NCAM2: variants seen among roughly 807,000 people sequenced by gnomAD.
NCAM2 encodes the protein neural cell adhesion molecule 2, also known as N-CAM-2.
In NCAM2, 30 loss-of-function variants were observed where a neutral mutation model predicts 98.1. The observed-to-expected ratio is 0.31, with a 90% CI of 0.23 to 0.41. The LOEUF is 0.41. Among genes scored for constraint, NCAM2 ranks in the 10% least tolerant of loss-of-function variants. The pLI, the probability that NCAM2 is intolerant of heterozygous loss-of-function variation, is 1.00. For missense variants in NCAM2, 867 were observed against 1,005.8 expected, an observed-to-expected ratio of 0.86 and a Z score of 1.87; for synonymous variants, 368 against 342.4, an observed-to-expected ratio of 1.07 and a Z score of -0.83.
intron 1 of NCAM2, among the ~76,000 whole-genome samples, chr21:21,059,420 A>G (rs1370323222): frequency 1.3e-5 from 2 of 152,122 alleles, no homozygotes; most frequent in African/African-American, 2.4e-5. Context: ...TAATTTAAAT[A>G]AAATTAATAT....
At chr21:21,452,180 AC>A (rs1342271333) in intron 12 of NCAM2, among the ~76,000 whole-genome samples, 4 of 150,322 alleles carry the variant, frequency 2.7e-5, no homozygotes, top group Non-Finnish European at 5.9e-5. Context: ...ACACACACAC[AC>A]ACACACACAC....
intron 1 of NCAM2, among the ~76,000 whole-genome samples, chr21:21,034,378 G>T (rs962711767): frequency 2.0e-5 from 3 of 152,214 alleles, no homozygotes; most frequent in Middle Eastern, 3.4e-3. Context: ...AGTTGGAACT[G>T]GCAAGCGGTG....
intron 15 of NCAM2, among the ~76,000 whole-genome samples, chr21:21,486,188 C>A (rs1463379565): frequency 6.6e-6 from 1 of 151,270 alleles, no homozygotes; most frequent in African/African-American, 2.4e-5. Context: ...CCTGTAGTCC[C>A]AGCTACTCGG....
intron 1 of NCAM2, among the ~76,000 whole-genome samples, chr21:21,056,070 G>A (rs942005363): frequency 6.6e-6 from 1 of 151,014 alleles, no homozygotes; most frequent in Non-Finnish European, 1.5e-5. Context: ...TCTGGCTTAA[G>A]CATTTTTTAT....
At chr21:21,406,770 T>G (rs1326316438) in intron 9 of NCAM2, among the ~76,000 whole-genome samples, 1 of 152,226 alleles carries the variant, frequency 6.6e-6, no homozygotes, top group Non-Finnish European at 1.5e-5. Context: ...ATAAGATTGA[T>G]GGACACATAA....
At chr21:21,039,725 C>T (rs183634248) in intron 1 of NCAM2, among the ~76,000 whole-genome samples, 7 of 152,206 alleles carry the variant, frequency 4.6e-5, no homozygotes, top group Admixed American at 3.9e-4. Flanking sequence ...CCAGGAAACT[C>T]ATAACTTTTT....
chr21:21,118,767 A>G (rs2066614293), intron 1 of NCAM2, among the ~76,000 whole-genome samples: 1 of 151,928 alleles, frequency 6.6e-6, no homozygotes, highest in African/African-American at 2.4e-5. Context: ...ATTATTTTAC[A>G]TTATCGGAGT....
chr21:21,126,932 G>GA lies in NCAM2; in HGVS notation c.55+128315dup, dbSNP rs539546804. On this transcript the variant is annotated intron_variant, in intron 1 of 17. Coordinates refer to ENST00000400546, the MANE Select transcript of NCAM2 (RefSeq NM_004540.5). ...GCAAAGTGACGCTTTTACCTTCTAG[G>GA]AGAAAAAGGTAGAAGTTAAAAAAAC... is the stretch of plus-strand genomic sequence containing the variant. Among the ~76,000 whole-genome samples, 291 of 151,946 alleles carry GA rather than the reference G, an allele frequency of 1.9e-3. 1 individual carries two copies. Among genetic ancestry groups the GA allele is most frequent in the African/African-American group, 6.9e-3 (287 of 41,480 alleles).
chr21:21,443,355 C>T (rs932677787), intron 12 of NCAM2, among the ~76,000 whole-genome samples: 2 of 152,112 alleles, frequency 1.3e-5, no homozygotes, highest in Admixed American at 1.3e-4. Context: ...AGCAAACCAA[C>T]ATGGCACATG....
At chr21:21,460,150 T>C (rs1312713540) in intron 12 of NCAM2, among the ~76,000 whole-genome samples, 1 of 152,000 alleles carries the variant, frequency 6.6e-6, no homozygotes, top group African/African-American at 2.4e-5. Flanking sequence ...TTATCATTTT[T>C]ATTTTTGTTT....
intron 11 of NCAM2, 36 bp from the exon 12 acceptor site, chr21:21,432,072 C>A (rs750259728): frequency 6.3e-7 from 1 of 1,592,358 alleles, no homozygotes; most frequent in African/African-American, 1.3e-5. Flanking sequence ...TTCCCATTCC[C>A]TTGGTTATGT....
intron 1 of NCAM2, among the ~76,000 whole-genome samples, chr21:21,235,919 T>C (rs1167031656): frequency 1.3e-5 from 2 of 152,088 alleles, no homozygotes; most frequent in Non-Finnish European, 2.9e-5. Flanking sequence ...TTAGTAGTAA[T>C]ATAGTCATTA....
chr21:21,392,148 G>A (rs1031536669), intron 9 of NCAM2, among the ~76,000 whole-genome samples: 1 of 152,064 alleles, frequency 6.6e-6, no homozygotes, highest in East Asian at 1.9e-4. Flanking sequence ...TCCCCTGTAT[G>A]TGTCCATGTA....
At chr21:21,248,446 A>C (rs1387616553) in intron 1 of NCAM2, among the ~76,000 whole-genome samples, 1 of 152,108 alleles carries the variant, frequency 6.6e-6, no homozygotes, top group Non-Finnish European at 1.5e-5. Context: ...CTTGAAACAC[A>C]GGAAAAAATT....
At chr21:21,292,065 A>G (rs772294530) in intron 4 of NCAM2, 39 bp from the exon 5 acceptor site, 13 of 1,590,270 alleles carry the variant, frequency 8.2e-6, no homozygotes, top group African/African-American at 8.1e-5. Flanking sequence ...TTAGCCTTCA[A>G]TTACTGATAC....
At chr21:21,420,381 G>A (rs1395474159) in intron 11 of NCAM2, among the ~76,000 whole-genome samples, 1 of 151,730 alleles carries the variant, frequency 6.6e-6, no homozygotes. Context: ...GACTGATAAG[G>A]AATCCTAAAA....
intron 15 of NCAM2, among the ~76,000 whole-genome samples, chr21:21,482,960 T>G (rs1477517182): frequency 6.6e-6 from 1 of 152,034 alleles, no homozygotes; most frequent in East Asian, 1.9e-4. Context: ...ATAAAATGAC[T>G]ACCAAACTAT....
At chr21:21,255,099 G>A (rs1389335845) in intron 1 of NCAM2, among the ~76,000 whole-genome samples, 1 of 152,118 alleles carries the variant, frequency 6.6e-6, no homozygotes, top group Non-Finnish European at 1.5e-5. Flanking sequence ...TTAACAATTT[G>A]GGAAGGGCAC....
chr21:21,241,913 A>G (rs186932661), intron 1 of NCAM2, among the ~76,000 whole-genome samples: 3 of 152,296 alleles, frequency 2.0e-5, no homozygotes, highest in Non-Finnish European at 1.5e-5. Context: ...TCATTATAAA[A>G]ATTGGCTCTA....
Sources: gnomAD v4.1 joint callset for allele counts (sites outside exome capture counted in the v4.1 genomes callset) on GRCh38, gnomAD v4.1.1 for gene constraint, MANE v1.5 for transcripts, NCBI Gene and HGNC (gene_info 2026-07-23, HGNC 2026-07-21) for gene names.